BTN2A2: variants seen among roughly 807,000 people sequenced by gnomAD.
BTN2A2 encodes the protein butyrophilin 2.
BTN2A2 carries 29 observed loss-of-function variants against 34.7 expected under a neutral mutation model. That is an observed-to-expected ratio of 0.84 (90% CI 0.62 to 1.14). The LOEUF (loss-of-function observed/expected upper bound fraction) is 1.14. BTN2A2 is among the 50% of genes most tolerant of loss of function. BTN2A2 has a pLI of 0.00. For synonymous variants in BTN2A2, 240 were observed against 253.1 expected (o/e 0.95, Z 0.49); for missense variants, 612 against 651.5 (o/e 0.94, Z 0.66).
chr6:26,393,298 C>T lies in BTN2A2; in HGVS notation c.*331C>T. ...AAAATCAGGATAACCACATTAAGCC[C>T]AATATGCCAGTTGGCACCAGATGCT... On this transcript the variant is annotated 3_prime_UTR_variant, in exon 8 of 8. Transcript: ENST00000356709. 1 of 1,304,694 alleles carries T rather than the reference C, an allele frequency of 7.7e-7. No individual in the cohort carries two copies. Among genetic ancestry groups the T allele is most frequent in the Non-Finnish European group, 9.9e-7 (1 of 1,014,102 alleles). 80.8% of individuals were successfully genotyped at this position (1,304,694 alleles called of 1,614,324 possible). A position where few individuals can be genotyped will look rare whatever the true frequency, so the allele number is the denominator to read the frequency against.
chr6:26,392,501 C>A lies in BTN2A2; in HGVS notation c.1106C>A (p.Pro369His). The A allele has an allele frequency of 6.2e-7, 1 of 1,614,250 alleles. No individual in the cohort carries two copies. The highest frequency in any genetic ancestry group is 1.1e-5 in the South Asian group (1 of 91,090). The change falls in exon 8 of 8, where the codon CCT (proline) becomes CAT (histidine). Residue 369 changes from proline (P) to histidine (H), a missense_variant. By Grantham distance (77) the Pro-to-His change is moderately conservative. Transcript: ENST00000356709. Reference sequence around the variant, plus strand: ...AACCCAGAGAGATTCGACAGTCAGCCTTGTGTCCTGGGATGGGAGAGCTTC... The same window carrying A: ...AACCCAGAGAGATTCGACAGTCAGCATTGTGTCCTGGGATGGGAGAGCTTC... ...PDNPERFDSQ[P>H]CVLGWESFAS...
intron 3 of BTN2A2, 119 bp downstream of exon 3, chr6:26,385,481 A>G: frequency 9.9e-7 from 1 of 1,011,114 alleles, no homozygotes; most frequent in Non-Finnish European, 1.4e-6. Flanking sequence ...CCCTTTCCAC[A>G]GAGAAAGTGG....
At chr6:26,387,565 T>C (rs1277323980) in intron 3 of BTN2A2, among the ~76,000 whole-genome samples, 1 of 80,008 alleles carries the variant, frequency 1.2e-5, no homozygotes, top group African/African-American at 7.0e-5. Flanking sequence ...ACCCCATCTC[T>C]ACAAAAAAAA....
At chr6:26,388,401 G>A in intron 4 of BTN2A2, 107 bp downstream of exon 4, 2 of 1,344,850 alleles carry the variant, frequency 1.5e-6, no homozygotes, top group Non-Finnish European at 2.1e-6. Flanking sequence ...AATGGTCCTG[G>A]GCCCTGAGGA....
rs1455475110 is a variant in BTN2A2, at chr6:26,383,982, G to C, written c.94+67G>C. 6.5e-7 allele frequency: 1 copy of C among 1,529,362 alleles called. No individual in the cohort carries two copies. The highest frequency in any genetic ancestry group is 1.4e-5 in the African/African-American group (1 of 72,990). The allele number at this position is 1,529,362 out of a possible 1,614,324, so 94.7% of individuals were successfully genotyped here. On this transcript the variant is annotated intron_variant, in intron 2 of 7. Coordinates refer to ENST00000356709, the MANE Select transcript of BTN2A2 (RefSeq NM_006995.5). This position sits in a 1 kb window ranked among gnomAD's most constrained non-coding sequence, Gnocchi z 4.4. ...GAACATCAACCCTGTAGTCTGCAAA[G>C]GGAAAGAAGGAAGAACTGTGGGGTT...
chr6:26,385,035 C>A lies in BTN2A2; in HGVS notation c.115C>A (p.Pro39Thr). The A allele has an allele frequency of 1.9e-6, 3 of 1,613,754 alleles. No individual in the cohort carries two copies. Among genetic ancestry groups the A allele is most frequent in the Admixed American group, 3.3e-5 (2 of 60,006 alleles). ...AACAGCCCAGTTTACTGTCGTGGGG[C>A]CAGCTAATCCCATCCTGGCCATGGT... is the stretch of plus-strand genomic sequence containing the variant. The part of the protein sequence containing the change: ...LVSAQFTVVG[P>T]ANPILAMVGE... Residue 39 changes from proline (P) to threonine (T), a missense_variant, in exon 3 of 8, where the codon CCA (proline) becomes ACA (threonine). Coordinates refer to ENST00000356709, the MANE Select transcript of BTN2A2 (RefSeq NM_006995.5).
At position 26,392,429 on chromosome 6, in the gene BTN2A2, A is replaced by G; in HGVS notation, c.1034A>G (p.Asp345Gly). ...CATCCCGAGCTCTTCCTGTCAGAGGACCGGAGAAGTGTGAGGCGGGGCCCC... is the reference window on the plus strand; with the variant it reads ...CATCCCGAGCTCTTCCTGTCAGAGGGCCGGAGAAGTGTGAGGCGGGGCCCC... ...TAHPELFLSE[D>G]RRSVRRGPYR... The change falls in exon 8 of 8, where the codon GAC (aspartate) becomes GGC (glycine). Residue 345 changes from aspartate to glycine, a missense_variant. Coordinates refer to ENST00000356709, the MANE Select transcript of BTN2A2 (RefSeq NM_006995.5). 6.2e-7 allele frequency: 1 copy of G among 1,614,196 alleles called. No individual in the cohort carries two copies. Among genetic ancestry groups the G allele is most frequent in the Non-Finnish European group, 8.5e-7 (1 of 1,180,044 alleles).
chr6:26,387,370 A>G (rs2113748875), intron 3 of BTN2A2, among the ~76,000 whole-genome samples: 1 of 152,346 alleles, frequency 6.6e-6, no homozygotes. Flanking sequence ...GGAGGTAGAT[A>G]GCCATGGTGA....
chr6:26,384,692 A>C lies in BTN2A2; in HGVS notation c.95-323A>C, dbSNP rs1348342897. On this transcript the variant is annotated intron_variant, in intron 2 of 7. Coordinates refer to ENST00000356709, the MANE Select transcript of BTN2A2 (RefSeq NM_006995.5). The surrounding 1 kb of genome is among the most constrained non-coding windows in gnomAD (Gnocchi z 4.0). ...ACCCTAATGGACAGTTCAAGTTTAC[A>C]CTACACTCAGGCACAGTGCTAGATT... Among the ~76,000 whole-genome samples, 1 of 152,178 alleles carries C rather than the reference A, an allele frequency of 6.6e-6. No homozygotes were observed. The highest frequency in any genetic ancestry group is 2.4e-5 in the African/African-American group (1 of 41,438).
At chr6:26,387,971 G>A (rs1052478631) in intron 3 of BTN2A2, 42 bp from the exon 4 acceptor site, 5 of 1,577,064 alleles carry the variant, frequency 3.2e-6, no homozygotes, top group Admixed American at 1.8e-5. Context: ...TAGGGGCTAA[G>A]ATACCACTGC....
chr6:26,388,156 G>A lies in BTN2A2; in HGVS notation c.586G>A (p.Val196Ile). The change falls in exon 4 of 8, where the codon GTT (valine) becomes ATT (isoleucine). Residue 196 changes from valine to isoleucine, a missense_variant. Val to Ile is a conservative substitution (Grantham distance 29). Coordinates refer to ENST00000356709, the MANE Select transcript of BTN2A2 (RefSeq NM_006995.5). Reference protein sequence around the residue: ...YGEVVPALKEVSIADADGLFM... With the variant: ...YGEVVPALKEISIADADGLFM... ...TGAGGTTGTGCCCGCCCTGAAGGAG[G>A]TTTCCATCGCTGATGCTGACGGCCT... 2 of 1,614,206 alleles carry A rather than the reference G, an allele frequency of 1.2e-6. No individual in the cohort carries two copies. The highest frequency in any genetic ancestry group is 1.7e-6 in the Non-Finnish European group (2 of 1,180,034).
chr6:26,385,176 A>T lies in BTN2A2; in HGVS notation c.256A>T (p.Arg86Ter). 1 of 1,613,920 alleles carries T rather than the reference A, an allele frequency of 6.2e-7. No individual in the cohort carries two copies. Among genetic ancestry groups the T allele is most frequent in the African/African-American group, 1.3e-5 (1 of 74,972 alleles). The change falls in exon 3 of 8, where the codon AGA becomes TGA. Residue 86 changes from arginine to a stop codon, truncating the protein, a stop_gained. Coordinates refer to ENST00000356709, the MANE Select transcript of BTN2A2 (RefSeq NM_006995.5). LOFTEE classifies it high-confidence loss of function. ...SPAVFVYKGG[R>*]ERTEEQMEEY... ...CGCAGTGTTTGTGTATAAGGGTGGGAGAGAGAGAACAGAGGAGCAGATGGA... is the reference window on the plus strand; with the variant it reads ...CGCAGTGTTTGTGTATAAGGGTGGGTGAGAGAGAACAGAGGAGCAGATGGA...
chr6:26,387,930 G>A, intron 3 of BTN2A2, 83 bp from the exon 4 acceptor site: 3 of 1,429,054 alleles, frequency 2.1e-6, no homozygotes, highest in South Asian at 1.4e-5. Context: ...AAAACCAAGG[G>A]TCTTTCTAGC....
chr6:26,385,360 C>G lies in BTN2A2; in HGVS notation c.440C>G (p.Ala147Gly), dbSNP rs762003055. The G allele has an allele frequency of 1.5e-5, 24 of 1,611,468 alleles. No individual in the cohort carries two copies. The highest frequency in any genetic ancestry group is 1.0e-4 in the Admixed American group (6 of 59,914). ...YDEAILRLVV[A>G]GLGSKPLIEI... Reference sequence around the variant, plus strand: ...GAGGCCATCCTACGCCTCGTGGTGGCAGGTGCATCACTTCATTTTGCTTTA... The same window carrying G: ...GAGGCCATCCTACGCCTCGTGGTGGGAGGTGCATCACTTCATTTTGCTTTA... The change falls in exon 3 of 8, where the codon GCA (alanine) becomes GGA (glycine). Residue 147 changes from alanine to glycine, a missense_variant and splice_region_variant. Coordinates refer to ENST00000356709, the MANE Select transcript of BTN2A2 (RefSeq NM_006995.5).
In BTN2A2 at chr6:26,394,305, C is replaced by A. The variant is rs1008080189; in HGVS notation, c.*1338C>A. On this transcript the variant is annotated 3_prime_UTR_variant, in exon 8 of 8. Coordinates refer to ENST00000356709, the MANE Select transcript of BTN2A2 (RefSeq NM_006995.5). ...TGTGCTGGTTAATTTTAGATGTCAA[C>A]CTGACTGGATTAAGGAATACCTAGA... 7 of 700,626 alleles carry A rather than the reference C, an allele frequency of 1.0e-5. No individual in the cohort carries two copies. The highest frequency in any genetic ancestry group is 1.8e-5 in the Non-Finnish European group (7 of 384,740). 43.4% of individuals were successfully genotyped at this position (700,626 alleles called of 1,614,324 possible).
intron 3 of BTN2A2, 157 bp downstream of exon 3, chr6:26,385,519 T>A: frequency 7.3e-6 from 5 of 682,606 alleles, no homozygotes; most frequent in Non-Finnish European, 1.2e-5. Flanking sequence ...GCCACATGAG[T>A]GGGTTTGCCC....
At chr6:26,390,446 A>T in intron 5 of BTN2A2, 1 of 673,166 alleles carries the variant, frequency 1.5e-6, no homozygotes, top group Non-Finnish European at 2.5e-6. Context: ...ACATTCATTC[A>T]CCTGGCTATA....
intron 3 of BTN2A2, among the ~76,000 whole-genome samples, chr6:26,386,589 A>G (rs1761217789): frequency 1.3e-5 from 2 of 152,220 alleles, no homozygotes; most frequent in African/African-American, 4.8e-5. Context: ...CAGCACTGCA[A>G]TGTTGCCCAG....
chr6:26,385,387 T>C lies in BTN2A2; in HGVS notation c.442+25T>C, dbSNP rs191159542. On this transcript the variant is annotated intron_variant, in intron 3 of 7. Transcript: ENST00000356709. ...GGTGCATCACTTCATTTTGCTTTAT[T>C]ACTTTTGCACAGTGTGACTTTTGGG... is the stretch of plus-strand genomic sequence containing the variant. 2.8e-4 allele frequency: 443 copies of C among 1,599,982 alleles called. 1 individual carries two copies. The highest frequency in any genetic ancestry group is 5.7e-4 in the Admixed American group (34 of 59,406).
Sources: gnomAD v4.1 joint callset for allele counts (sites outside exome capture counted in the v4.1 genomes callset) on GRCh38, gnomAD v4.1.1 for gene constraint, Gnocchi (gnomAD v3.1) non-coding constraint, MANE v1.5 for transcripts, NCBI Gene and HGNC (gene_info 2026-07-23, HGNC 2026-07-21) for gene names.